PARD3: variants seen among roughly 807,000 people sequenced by gnomAD.
PARD3 encodes the protein par-3 family cell polarity regulator.
Under a neutral mutation model 155.4 loss-of-function variants are expected in PARD3, and 75 were observed. The ratio of observed to expected loss-of-function variants is 0.48; its 90% CI spans 0.40 to 0.58. The LOEUF (loss-of-function observed/expected upper bound fraction) is 0.58, where lower values mean the gene tolerates loss of function less well. Ranked by LOEUF, PARD3 falls within the 20% of genes least tolerant of loss-of-function variation. PARD3 has a pLI of 0.00. For synonymous variants in PARD3, 576 were observed against 610.5 expected (o/e 0.94, Z 0.83); for missense variants, 1,642 against 1,721.7 (o/e 0.95, Z 0.82).
rs564300521 is a variant in PARD3, at chr10:34,311,628, G to A, written c.3065+5479C>T. On this transcript the variant is annotated intron_variant, in intron 20 of 24. Transcript: ENST00000374788. ...GAAAGAGTGTGTGCTCTCTCGACAC[G>A]TGGTCTCAGCAAACCTTGGGATTAC... Among the ~76,000 whole-genome samples, 10 of 151,686 alleles carry A rather than the reference G, an allele frequency of 6.6e-5. No homozygotes were observed. In the East Asian group the frequency reaches 1.9e-3, roughly 29 times the overall value.
At chr10:34,331,048 T>C in intron 19 of PARD3, 69 bp downstream of exon 19, 4 of 1,197,824 alleles carry the variant, frequency 3.3e-6, no homozygotes, top group Non-Finnish European at 4.9e-6. Context: ...ACTCCAGGGC[T>C]CCCTGGAGCT....
intron 19 of PARD3, among the ~76,000 whole-genome samples, chr10:34,328,707 A>C (rs1019553137): frequency 3.3e-5 from 5 of 152,226 alleles, no homozygotes; most frequent in African/African-American, 1.2e-4. Context: ...AAGCTCAAGC[A>C]GTTGAAGTTT....
At chr10:34,808,934 G>A (rs962253191) in intron 1 of PARD3, among the ~76,000 whole-genome samples, 1 of 152,202 alleles carries the variant, frequency 6.6e-6, no homozygotes, top group Non-Finnish European at 1.5e-5. Flanking sequence ...AGAGGCGCCA[G>A]ACCAAGCATA....
At chr10:34,140,698 C>T (rs1948142661) in intron 22 of PARD3, among the ~76,000 whole-genome samples, 1 of 152,172 alleles carries the variant, frequency 6.6e-6, no homozygotes, top group Admixed American at 6.5e-5. Context: ...GCGCAAGCTT[C>T]ATTAAGTTTT....
At chr10:34,578,050 C>CT (rs11404097) in intron 2 of PARD3, among the ~76,000 whole-genome samples, 51,106 of 146,220 alleles carry the variant, frequency 0.35, 9,038 homozygotes, top group South Asian at 0.43. Context: ...TTCTGTTGCT[C>CT]TTTTTTTTTT....
intron 2 of PARD3, among the ~76,000 whole-genome samples, chr10:34,678,705 T>C (rs962610859): frequency 3.9e-5 from 6 of 152,156 alleles, no homozygotes; most frequent in African/African-American, 1.4e-4. Context: ...AATATCAGTA[T>C]GATTTTGAAA....
intron 1 of PARD3, among the ~76,000 whole-genome samples, chr10:34,805,286 G>A (rs1008847082): frequency 2.0e-5 from 3 of 152,126 alleles, no homozygotes; most frequent in African/African-American, 4.8e-5. Context: ...GAACCCAGGA[G>A]GCAGAGGTTG....
At chr10:34,405,942 C>T (rs1425959573) in intron 5 of PARD3, among the ~76,000 whole-genome samples, 2 of 152,132 alleles carry the variant, frequency 1.3e-5, no homozygotes, top group Non-Finnish European at 2.9e-5. Context: ...GCTCTACAAA[C>T]ATCCTTGAAA....
intron 2 of PARD3, among the ~76,000 whole-genome samples, chr10:34,659,912 T>C (rs1416428992): frequency 6.6e-6 from 1 of 152,210 alleles, no homozygotes; most frequent in Non-Finnish European, 1.5e-5. Flanking sequence ...TTTTCTTCCC[T>C]AGAAATAATC....
chr10:34,642,105 CCT>C (rs1418720201), intron 2 of PARD3, among the ~76,000 whole-genome samples: 1 of 151,912 alleles, frequency 6.6e-6, no homozygotes, highest in East Asian at 1.9e-4. Context: ...AAGCACGGCC[CCT>C]GTCCACCCTG....
intron 2 of PARD3, among the ~76,000 whole-genome samples, chr10:34,558,539 T>C (rs547952583): frequency 1.3e-5 from 2 of 152,322 alleles, no homozygotes; most frequent in South Asian, 4.1e-4. Flanking sequence ...GCTGAAGCTA[T>C]ATTATTCCAG....
intron 20 of PARD3, among the ~76,000 whole-genome samples, chr10:34,291,845 G>A (rs137952288): frequency 2.0e-5 from 3 of 152,308 alleles, no homozygotes; most frequent in African/African-American, 7.2e-5. Context: ...CCAGGGATTC[G>A]AGACCAGCTT....
At chr10:34,733,351 A>G (rs1325337207) in intron 1 of PARD3, among the ~76,000 whole-genome samples, 1 of 152,248 alleles carries the variant, frequency 6.6e-6, no homozygotes, top group Non-Finnish European at 1.5e-5. Flanking sequence ...AAAATGCTTT[A>G]AGACAAAATT....
intron 1 of PARD3, among the ~76,000 whole-genome samples, chr10:34,798,008 A>C (rs1203361343): frequency 6.6e-6 from 1 of 152,146 alleles, no homozygotes; most frequent in East Asian, 1.9e-4. Context: ...TCAAAAAAGA[A>C]AACACACAAA....
rs115146480 is a variant in PARD3, at chr10:34,435,209, T to A, written c.714+15108A>T. ...CAAATAACAGGAAAAAAAAAGGAAG[T>A]CACTGTGGCTATCTCTGGTACTTTT... On this transcript the variant is annotated intron_variant, in intron 5 of 24. Coordinates refer to ENST00000374788, the MANE Select transcript of PARD3 (RefSeq NM_001184785.2). Among the ~76,000 whole-genome samples the A allele has an allele frequency of 2.3e-3, 343 of 152,256 alleles. 1 individual carries two copies. Among genetic ancestry groups the A allele is most frequent in the African/African-American group, 7.8e-3 (322 of 41,548 alleles).
At chr10:34,282,702 C>T (rs988405249) in intron 21 of PARD3, among the ~76,000 whole-genome samples, 8 of 152,084 alleles carry the variant, frequency 5.3e-5, no homozygotes, top group African/African-American at 1.9e-4. Context: ...ACATATTTGC[C>T]TGTGGATGAA....
chr10:34,341,875 A>G (rs1375719526), intron 15 of PARD3, 59 bp from the exon 16 acceptor site: 5 of 1,004,592 alleles, frequency 5.0e-6, no homozygotes, highest in Non-Finnish European at 7.4e-6. Context: ...TGTTACATCT[A>G]TTAATTTTAA....
At chr10:34,507,541 A>T (rs868499373) in intron 3 of PARD3, among the ~76,000 whole-genome samples, 1 of 134,392 alleles carries the variant, frequency 7.4e-6, no homozygotes, top group Non-Finnish European at 1.5e-5. Flanking sequence ...CAGATCAATT[A>T]AAAAAACAAA....
intron 2 of PARD3, among the ~76,000 whole-genome samples, chr10:34,521,540 T>A (rs74132041): frequency 0.016 from 2,414 of 152,312 alleles, 65 homozygotes; most frequent in African/African-American, 0.055. Context: ...TCATTTTGAA[T>A]GTTCATTTTT....
Sources: gnomAD v4.1 joint callset for allele counts (sites outside exome capture counted in the v4.1 genomes callset) on GRCh38, gnomAD v4.1.1 for gene constraint, MANE v1.5 for transcripts, NCBI Gene and HGNC (gene_info 2026-07-23, HGNC 2026-07-21) for gene names.